DOCK4: variants seen among roughly 807,000 people sequenced by gnomAD.
DOCK4 encodes the protein dedicator of cytokinesis protein 4.
A neutral mutation model predicts 268.1 loss-of-function variants in DOCK4; 97 were observed. The ratio of observed to expected loss-of-function variants is 0.36; its 90% CI spans 0.31 to 0.43. The LOEUF is 0.43. DOCK4 is among the 20% of genes least tolerant of loss of function. The pLI, the probability that DOCK4 is intolerant of heterozygous loss-of-function variation, is 1.00. For synonymous variants in DOCK4, 954 were observed against 887.2 expected (o/e 1.08, Z -1.34); for missense variants, 2,145 against 2,455.7 (o/e 0.87, Z 2.67).
At chr7:111,843,224 T>C (rs1803834805) in intron 25 of DOCK4, among the ~76,000 whole-genome samples, 2 of 152,246 alleles carry the variant, frequency 1.3e-5, no homozygotes, top group South Asian at 4.1e-4. Flanking sequence ...GTCAAAAGCT[T>C]GAACTATAAA....
intron 30 of DOCK4, among the ~76,000 whole-genome samples, chr7:111,792,046 G>A (rs1799585805): frequency 6.6e-6 from 1 of 152,262 alleles, no homozygotes; most frequent in African/African-American, 2.4e-5. Flanking sequence ...GGAAAGGAAG[G>A]TGGGGAATGG....
Position 111,788,695 on chromosome 7 carries a change from C to A in DOCK4, c.3368G>T (p.Gly1123Val). 6.3e-7 allele frequency: 1 copy of A among 1,593,132 alleles called. No homozygotes were observed. Among genetic ancestry groups the A allele is most frequent in the Non-Finnish European group, 8.6e-7 (1 of 1,168,480 alleles). Residue 1123 changes from glycine to valine, a missense_variant, in exon 32 of 53, where the codon GGT (glycine) becomes GTT (valine). Around this residue, in one of 2 missense-constraint regions of DOCK4, gnomAD observed 1,598 missense variants for 1,986.7 expected, o/e 0.80. Transcript: ENST00000428084. ...KLDSLMSEGK[G>V]DETYRELFNS... ...GAAGAGCTCGCGGTATGTTTCGTCACCTTTGCCTTCTGACATCAGGCTATC... is the reference window on the plus strand; with the variant it reads ...GAAGAGCTCGCGGTATGTTTCGTCAACTTTGCCTTCTGACATCAGGCTATC...
intron 12 of DOCK4, among the ~76,000 whole-genome samples, chr7:111,926,472 GAAAGAAAGAA>G (rs1793681660): frequency 3.2e-5 from 4 of 125,984 alleles, no homozygotes; most frequent in African/African-American, 3.1e-5. Context: ...GAAAAAGAAA[GAAAGAAAGAA>G]AAAGAAAGAA....
At position 111,895,687 on chromosome 7, in the gene DOCK4, C is replaced by T; in HGVS notation, c.1512G>A (p.Gly504=). Residue 504 remains glycine (G), a synonymous_variant, in exon 16 of 53, where the codon GGG becomes GGA. Coordinates refer to ENST00000428084, the MANE Select transcript of DOCK4 (RefSeq NM_001363540.2). ...CTTGCATCAGAGGGACAAAAGAAAA[C>T]CCAAACAACTTCTTCTCTCCTTTCT... The part of the protein sequence containing the change: ...TKEKGEKKLF[G]FSFVPLMQED... The T allele has an allele frequency of 6.2e-7, 1 of 1,613,866 alleles. No individual in the cohort carries two copies. Among genetic ancestry groups the T allele is most frequent in the South Asian group, 1.1e-5 (1 of 91,082 alleles).
At chr7:111,948,804 A>C (rs1795826764) in intron 8 of DOCK4, among the ~76,000 whole-genome samples, 2 of 151,932 alleles carry the variant, frequency 1.3e-5, no homozygotes, top group Non-Finnish European at 2.9e-5. Context: ...CATGTTAGTC[A>C]GGCTGGTCTC....
intron 1 of DOCK4, among the ~76,000 whole-genome samples, chr7:112,164,445 T>G: frequency 6.6e-6 from 1 of 152,178 alleles, no homozygotes; most frequent in East Asian, 1.9e-4. Flanking sequence ...TTTATAAACA[T>G]TTGAAAACTG....
chr7:112,181,322 T>C (rs1001262034), intron 1 of DOCK4, among the ~76,000 whole-genome samples: 15 of 152,070 alleles, frequency 9.9e-5, no homozygotes, highest in Non-Finnish European at 1.2e-4. Context: ...TATTTACATA[T>C]AAGTGCAAAA....
intron 1 of DOCK4, among the ~76,000 whole-genome samples, chr7:112,160,709 C>T (rs1049292588): frequency 2.0e-5 from 3 of 152,184 alleles, no homozygotes; most frequent in South Asian, 2.1e-4. Flanking sequence ...CAGAATGTTC[C>T]TTCAGCAGGG....
chr7:111,923,846 G>A (rs949042951), intron 12 of DOCK4, among the ~76,000 whole-genome samples: 2 of 152,116 alleles, frequency 1.3e-5, no homozygotes, highest in Non-Finnish European at 2.9e-5. Flanking sequence ...AATATTTTAA[G>A]TTATTTTACT....
intron 44 of DOCK4, among the ~76,000 whole-genome samples, chr7:111,745,517 C>T (rs1400224547): frequency 2.6e-5 from 4 of 151,410 alleles, no homozygotes; most frequent in South Asian, 2.1e-4. Context: ...CCCGTCTCTA[C>T]TAAAAATGCA....
chr7:112,063,087 T>C (rs1189985471), intron 1 of DOCK4, among the ~76,000 whole-genome samples: 6 of 152,154 alleles, frequency 3.9e-5, no homozygotes, highest in Admixed American at 3.9e-4. Flanking sequence ...GGTAGAGTCC[T>C]CCTGAAAGAT....
At chr7:111,955,700 G>T (rs1796401625) in intron 8 of DOCK4, among the ~76,000 whole-genome samples, 1 of 152,100 alleles carries the variant, frequency 6.6e-6, no homozygotes, top group Admixed American at 6.5e-5. Flanking sequence ...CAATAAAAAA[G>T]GAATATAATA....
chr7:111,753,612 T>C (rs1210831732), intron 42 of DOCK4, among the ~76,000 whole-genome samples: 3 of 152,214 alleles, frequency 2.0e-5, no homozygotes, highest in Admixed American at 6.5e-5. Context: ...GCCGAACAAA[T>C]GAAAACATCT....
intron 12 of DOCK4, among the ~76,000 whole-genome samples, chr7:111,920,422 T>C (rs1206803299): frequency 6.6e-6 from 1 of 152,206 alleles, no homozygotes; most frequent in Non-Finnish European, 1.5e-5. Context: ...TTGTCAATTA[T>C]ACCTTATTAA....
intron 23 of DOCK4, among the ~76,000 whole-genome samples, chr7:111,862,112 A>C (rs1281063334): frequency 6.6e-6 from 1 of 152,058 alleles, no homozygotes; most frequent in Non-Finnish European, 1.5e-5. Context: ...CAGCCTGAAC[A>C]ACATGGTGAA....
At chr7:111,784,341 T>C (rs560183230) in intron 32 of DOCK4, 1 of 696,898 alleles carries the variant, frequency 1.4e-6, no homozygotes, top group Non-Finnish European at 2.6e-6. Context: ...AAGTTTACTT[T>C]TAAGCAAGAT....
At chr7:111,876,246 A>C (rs73715285) in intron 17 of DOCK4, among the ~76,000 whole-genome samples, 3,953 of 152,300 alleles carry the variant, frequency 0.026, 157 homozygotes, top group African/African-American at 0.09. Flanking sequence ...GGTGTTTTAA[A>C]AGTGGTCAAA....
At chr7:112,058,506 C>T (rs987769450) in intron 1 of DOCK4, among the ~76,000 whole-genome samples, 4 of 152,184 alleles carry the variant, frequency 2.6e-5, no homozygotes. Flanking sequence ...AATGCTCACT[C>T]TTCTGAATGG....
At chr7:111,753,013 G>GA (rs386411014) in intron 42 of DOCK4, among the ~76,000 whole-genome samples, 1 of 141,722 alleles carries the variant, frequency 7.1e-6, no homozygotes, top group Non-Finnish European at 1.5e-5. Context: ...ATTGGGGGGG[G>GA]GGTCTGTGAT....
Sources: gnomAD v4.1 joint callset for allele counts (sites outside exome capture counted in the v4.1 genomes callset) on GRCh38, gnomAD v4.1.1 for gene constraint, gnomAD v4.1.1 regional missense constraint, MANE v1.5 for transcripts, NCBI Gene and HGNC (gene_info 2026-07-23, HGNC 2026-07-21) for gene names.